VTI1A: variants seen among roughly 807,000 people sequenced by gnomAD.
VTI1A encodes vesicle transport through interaction with t-SNAREs homolog 1A.
Under a neutral mutation model 34.9 loss-of-function variants are expected in VTI1A, and 22 were observed. The observed-to-expected ratio is 0.63, with a 90% confidence interval of 0.45 to 0.90. The LOEUF is 0.90. Ranked by LOEUF, VTI1A falls within the 40% of genes least tolerant of loss-of-function variation. The pLI is 0.00. For missense variants in VTI1A, 268 were observed against 275.6 expected, an observed-to-expected ratio of 0.97 and a Z score of 0.20; for synonymous variants, 87 against 97.3, an observed-to-expected ratio of 0.89 and a Z score of 0.62.
chr10:112,565,024 C>T (rs534755019), intron 5 of VTI1A, among the ~76,000 whole-genome samples: 2 of 151,948 alleles, frequency 1.3e-5, no homozygotes, highest in Non-Finnish European at 2.9e-5. Context: ...TAAAATGAAA[C>T]AGCTCCCCCT....
intron 7 of VTI1A, among the ~76,000 whole-genome samples, chr10:112,763,643 G>A (rs567449939): frequency 2.0e-5 from 3 of 152,224 alleles, no homozygotes; most frequent in South Asian, 2.1e-4. Context: ...ATCCTGCTTC[G>A]CTGAGTTGTG....
chr10:112,593,167 C>T lies in VTI1A; in HGVS notation c.427+54837C>T, dbSNP rs138633202. On this transcript the variant is annotated intron_variant, in intron 5 of 7. Transcript: ENST00000393077. ...TTTAGGTTAGACCAGTAGTTTTCAA[C>T]CCTCGCTCAACATTAGAATGAGCTT... Among the ~76,000 whole-genome samples the T allele has an allele frequency of 2.2e-3, 334 of 152,304 alleles. 2 individuals carry two copies. Among genetic ancestry groups the T allele is most frequent in the African/African-American group, 7.8e-3 (324 of 41,552 alleles).
intron 5 of VTI1A, among the ~76,000 whole-genome samples, chr10:112,591,565 A>G (rs923200670): frequency 2.0e-5 from 3 of 151,652 alleles, no homozygotes; most frequent in African/African-American, 7.3e-5. Context: ...CTTTACTTAA[A>G]CAATTGTGTA....
At chr10:112,618,524 T>TATATATAGAG (rs748276058) in intron 5 of VTI1A, among the ~76,000 whole-genome samples, 22 of 34,578 alleles carry the variant, frequency 6.4e-4, no homozygotes, top group East Asian at 4.2e-3. Context: ...TATATATATA[T>TATATATAGAG]AGAGAGAGAG....
intron 7 of VTI1A, among the ~76,000 whole-genome samples, chr10:112,765,358 C>T (rs1167624900): frequency 3.3e-5 from 5 of 152,036 alleles, no homozygotes; most frequent in South Asian, 2.1e-4. Flanking sequence ...TACAGGCGCC[C>T]GCCACCACAC....
intron 5 of VTI1A, among the ~76,000 whole-genome samples, chr10:112,642,345 G>A (rs1344664544): frequency 6.6e-6 from 1 of 152,112 alleles, no homozygotes; most frequent in Non-Finnish European, 1.5e-5. Flanking sequence ...TGTCTGAGTT[G>A]TATTCCTCTG....
Position 112,460,585 on chromosome 10 carries a change from A to G in VTI1A, c.153+3A>G. The G allele has an allele frequency of 6.3e-7, 1 of 1,599,506 alleles. No individual in the cohort carries two copies. Among genetic ancestry groups the G allele is most frequent in the South Asian group, 1.1e-5 (1 of 87,566 alleles). ...AGCTTGAAGAAGCGAAAGAACTGGT[A>G]TGTACAGACAGTAATGTATTTTAAC... On this transcript the variant is annotated splice_donor_region_variant and intron_variant, in intron 2 of 7. Coordinates refer to ENST00000393077, the MANE Select transcript of VTI1A (RefSeq NM_145206.4).
At chr10:112,810,045 T>G (rs1333450695) in intron 7 of VTI1A, among the ~76,000 whole-genome samples, 1 of 151,764 alleles carries the variant, frequency 6.6e-6, no homozygotes, top group African/African-American at 2.4e-5. Context: ...GAAAATAAAG[T>G]CAGTTTATTT....
the VTI1A span, among the ~76,000 whole-genome samples, chr10:112,840,439 G>A: frequency 6.6e-6 from 1 of 152,198 alleles, no homozygotes; most frequent in Non-Finnish European, 1.5e-5. Context: ...CAAAACACAA[G>A]TGATGGTGGC....
At chr10:112,618,489 T>TA (rs1554922465) in intron 5 of VTI1A, among the ~76,000 whole-genome samples, 2 of 74,364 alleles carry the variant, frequency 2.7e-5, no homozygotes, top group African/African-American at 6.7e-5. Context: ...AATGATTATA[T>TA]TATATATATA....
intron 5 of VTI1A, among the ~76,000 whole-genome samples, chr10:112,656,181 C>T (rs560905857): frequency 5.9e-5 from 9 of 152,168 alleles, no homozygotes; most frequent in East Asian, 3.9e-4. Flanking sequence ...TGGGGTGTTT[C>T]GAGGAGAGGG....
intron 7 of VTI1A, among the ~76,000 whole-genome samples, chr10:112,703,506 C>T (rs750533070): frequency 1.9e-4 from 29 of 151,894 alleles, no homozygotes; most frequent in Non-Finnish European, 3.2e-4. Context: ...ATGAAGGTTG[C>T]GGTGAGCCGA....
intron 2 of VTI1A, among the ~76,000 whole-genome samples, chr10:112,463,544 C>T (rs1564787160): frequency 6.6e-6 from 1 of 151,988 alleles, no homozygotes; most frequent in Non-Finnish European, 1.5e-5. Context: ...AAAGCCTATG[C>T]CTAAACCATT....
At chr10:112,836,232 G>A in the VTI1A span, among the ~76,000 whole-genome samples, 1 of 152,154 alleles carries the variant, frequency 6.6e-6, no homozygotes, top group Non-Finnish European at 1.5e-5. Flanking sequence ...AGTGCTGGGG[G>A]GTGCAAGTTA....
intron 7 of VTI1A, among the ~76,000 whole-genome samples, chr10:112,808,177 C>T (rs1475746921): frequency 1.3e-5 from 2 of 152,124 alleles, no homozygotes; most frequent in Admixed American, 1.3e-4. Flanking sequence ...GTGATTGCAC[C>T]ACTGCCCTCC....
intron 7 of VTI1A, among the ~76,000 whole-genome samples, chr10:112,704,016 G>T (rs914276076): frequency 2.0e-5 from 3 of 152,118 alleles, no homozygotes; most frequent in African/African-American, 7.2e-5. Flanking sequence ...TACATCTCAT[G>T]ATATTGCATA....
intron 7 of VTI1A, among the ~76,000 whole-genome samples, chr10:112,814,838 G>T (rs939900836): frequency 3.9e-5 from 6 of 152,048 alleles, no homozygotes; most frequent in Non-Finnish European, 7.4e-5. Flanking sequence ...CTTTTCCCCA[G>T]GTATTTTTGT....
At chr10:112,483,636 C>G (rs1208856444) in intron 3 of VTI1A, among the ~76,000 whole-genome samples, 1 of 152,010 alleles carries the variant, frequency 6.6e-6, no homozygotes, top group Non-Finnish European at 1.5e-5. Context: ...TGGCCTCTAC[C>G]CACTAAATGC....
chr10:112,520,587 C>T (rs1849978318), intron 3 of VTI1A, among the ~76,000 whole-genome samples: 2 of 148,038 alleles, frequency 1.4e-5, no homozygotes, highest in South Asian at 4.2e-4. Context: ...GTTATTATTC[C>T]ATATGGATTG....
Sources: allele counts gnomAD v4.1 joint callset (sites outside exome capture counted in the v4.1 genomes callset), GRCh38; gene constraint gnomAD v4.1.1; transcripts MANE v1.5; gene names NCBI Gene and HGNC (gene_info 2026-07-23, HGNC 2026-07-21).